The following SPOCK3 variants were observed in gnomAD, a reference collection of about 807,000 sequenced individuals.
The protein encoded by SPOCK3 is testican-3.
Under a neutral mutation model 56.6 loss-of-function variants are expected in SPOCK3, and 30 were observed. That is an observed-to-expected ratio of 0.53 (90% CI 0.40 to 0.72). The LOEUF (loss-of-function observed/expected upper bound fraction) is 0.72. SPOCK3 is among the 30% of genes least tolerant of loss of function. SPOCK3 has a pLI of 0.00. For missense variants in SPOCK3, 527 were observed against 530.0 expected (o/e 0.99, Z 0.06); for synonymous variants, 196 against 183.3 (o/e 1.07, Z -0.56).
At chr4:167,032,535 A>T (rs1003224388) in intron 3 of SPOCK3, among the ~76,000 whole-genome samples, 4 of 151,884 alleles carry the variant, frequency 2.6e-5, no homozygotes, top group South Asian at 4.1e-4. Context: ...AATTCCTAAG[A>T]TCATAAAAAG....
chr4:167,072,103 T>G (rs559628782), intron 2 of SPOCK3, among the ~76,000 whole-genome samples: 1 of 152,158 alleles, frequency 6.6e-6, no homozygotes, highest in East Asian at 1.9e-4. Context: ...AAGAGGTAAG[T>G]GATTCTATCA....
At chr4:167,109,326 T>G (rs866372382) in intron 2 of SPOCK3, among the ~76,000 whole-genome samples, 1 of 88,290 alleles carries the variant, frequency 1.1e-5, no homozygotes, top group Non-Finnish European at 2.0e-5. Context: ...AATATATTAA[T>G]ATATATTAAT....
At position 166,908,861 on chromosome 4, in the gene SPOCK3, T is replaced by C. The variant is rs73861904; in HGVS notation, c.474+3759A>G. Among the ~76,000 whole-genome samples the C allele has an allele frequency of 4.4e-3, 668 of 152,138 alleles. 5 individuals are homozygous for C. Among genetic ancestry groups the C allele is most frequent in the African/African-American group, 0.015 (632 of 41,556 alleles). On this transcript the variant is annotated intron_variant, in intron 5 of 10. Coordinates refer to ENST00000357545, the MANE Select transcript of SPOCK3 (RefSeq NM_001040159.2). ...CCGCAGCTTGACAATACAATCAAAA[T>C]AGACTTTGCCTGAAGTAAAGAAATG... is the stretch of plus-strand genomic sequence containing the variant.
intron 3 of SPOCK3, among the ~76,000 whole-genome samples, chr4:167,034,479 T>C (rs984357522): frequency 6.6e-6 from 1 of 152,094 alleles, no homozygotes. Context: ...AAAGCACAGT[T>C]TGATACCAGC....
At chr4:166,845,997 G>A (rs1748021656) in intron 6 of SPOCK3, among the ~76,000 whole-genome samples, 1 of 152,072 alleles carries the variant, frequency 6.6e-6, no homozygotes, top group Non-Finnish European at 1.5e-5. Flanking sequence ...GAATAGTGTA[G>A]GCAATTAAAA....
intron 2 of SPOCK3, among the ~76,000 whole-genome samples, chr4:167,122,227 C>T (rs1353446630): frequency 6.6e-6 from 1 of 151,834 alleles, no homozygotes; most frequent in Non-Finnish European, 1.5e-5. Context: ...CATCTCACTG[C>T]AGCCTACAGA....
intron 2 of SPOCK3, among the ~76,000 whole-genome samples, chr4:167,124,805 C>T (rs971477299): frequency 2.0e-5 from 3 of 152,144 alleles, no homozygotes; most frequent in Admixed American, 6.5e-5. Context: ...TCTAAATATA[C>T]GGTCCCTTTA....
At chr4:166,790,504 C>T (rs1310667248) in intron 7 of SPOCK3, among the ~76,000 whole-genome samples, 1 of 152,130 alleles carries the variant, frequency 6.6e-6, no homozygotes, top group Non-Finnish European at 1.5e-5. Flanking sequence ...TCTCTGACTC[C>T]TTCAAGCAGT....
At chr4:167,145,104 T>C (rs1763832960) in intron 2 of SPOCK3, among the ~76,000 whole-genome samples, 1 of 152,056 alleles carries the variant, frequency 6.6e-6, no homozygotes, top group African/African-American at 2.4e-5. Flanking sequence ...GGGGAGAAAC[T>C]GATTCTGGAT....
intron 2 of SPOCK3, chr4:167,083,338 A>G: frequency 1.3e-6 from 1 of 763,310 alleles, no homozygotes; most frequent in Non-Finnish European, 2.4e-6. Flanking sequence ...GTTCCCCACC[A>G]TGTGCATTCT....
intron 2 of SPOCK3, among the ~76,000 whole-genome samples, chr4:167,205,396 A>ATC (rs1222889556): frequency 6.5e-5 from 3 of 46,256 alleles, no homozygotes; most frequent in African/African-American, 2.9e-4. Flanking sequence ...TATATTTTAT[A>ATC]TATAATATAT....
chr4:166,908,745 G>A (rs568151469), intron 5 of SPOCK3, among the ~76,000 whole-genome samples: 64 of 151,982 alleles, frequency 4.2e-4, no homozygotes, highest in African/African-American at 1.5e-3. Context: ...TTGTGCTCAC[G>A]GCAAATGTAA....
chr4:166,906,482 T>TAA lies in SPOCK3; in HGVS notation c.474+6136_474+6137dup, dbSNP rs34213978. Among the ~76,000 whole-genome samples, 486 of 107,432 alleles carry TAA rather than the reference T, an allele frequency of 4.5e-3. 3 individuals are homozygous for TAA. Among genetic ancestry groups the TAA allele is most frequent in the Middle Eastern group, 4.9e-3 (1 of 204 alleles). 70.5% of individuals were successfully genotyped at this position (107,432 alleles called of 152,430 possible). On this transcript the variant is annotated intron_variant, in intron 5 of 10. Coordinates refer to ENST00000357545, the MANE Select transcript of SPOCK3 (RefSeq NM_001040159.2). ...ACCATGCCTGGCCTGGTTGGCTACATAAAAAAAAAAAAAAAAAAACCTACC... is the reference window on the plus strand; with the variant it reads ...ACCATGCCTGGCCTGGTTGGCTACATAAAAAAAAAAAAAAAAAAAAACCTACC...
chr4:166,909,596 A>C (rs947769665), intron 5 of SPOCK3, among the ~76,000 whole-genome samples: 1 of 152,114 alleles, frequency 6.6e-6, no homozygotes, highest in Admixed American at 6.6e-5. Flanking sequence ...CCACAGCAAG[A>C]CTGCACTTCC....
chr4:167,074,218 C>A (rs1756963196), intron 2 of SPOCK3, among the ~76,000 whole-genome samples: 1 of 151,896 alleles, frequency 6.6e-6, no homozygotes, highest in South Asian at 2.1e-4. Flanking sequence ...AGATTTATCA[C>A]TTGTGTATAG....
At chr4:166,735,888 G>A (rs1246126958) in intron 10 of SPOCK3, among the ~76,000 whole-genome samples, 3 of 151,956 alleles carry the variant, frequency 2.0e-5, no homozygotes, top group Non-Finnish European at 4.4e-5. Flanking sequence ...GTGGGAATTT[G>A]TTACTAAAGC....
At chr4:166,839,978 CT>C (rs1414141933) in intron 6 of SPOCK3, among the ~76,000 whole-genome samples, 1 of 152,210 alleles carries the variant, frequency 6.6e-6, no homozygotes, top group African/African-American at 2.4e-5. Context: ...ATAAACTTTG[CT>C]TTGAGCTTGC....
chr4:166,868,178 A>G (rs1472882065), intron 6 of SPOCK3, among the ~76,000 whole-genome samples: 1 of 151,838 alleles, frequency 6.6e-6, no homozygotes, highest in Non-Finnish European at 1.5e-5. Flanking sequence ...TGGCTCACAC[A>G]TGTAATCGCA....
intron 2 of SPOCK3, among the ~76,000 whole-genome samples, chr4:167,111,658 C>T (rs2150347982): frequency 6.6e-6 from 1 of 152,056 alleles, no homozygotes; most frequent in Non-Finnish European, 1.5e-5. Flanking sequence ...CTGACAAAGG[C>T]CAAAGCAGGT....
Sources: allele counts gnomAD v4.1 joint callset (sites outside exome capture counted in the v4.1 genomes callset), GRCh38; gene constraint gnomAD v4.1.1; transcripts MANE v1.5; gene names NCBI Gene and HGNC (gene_info 2026-07-23, HGNC 2026-07-21).